Variants in P4HA2 observed in about 807,000 individuals in gnomAD.
P4HA2 encodes the protein prolyl 4-hydroxylase subunit alpha-2.
In P4HA2, 46 loss-of-function variants were observed where a neutral mutation model predicts 76.9. The observed-to-expected ratio is 0.60, with a 90% CI of 0.47 to 0.76. P4HA2 has a LOEUF of 0.76. Ranked by LOEUF, P4HA2 falls within the 30% of genes least tolerant of loss-of-function variation. The pLI is 0.00. For missense variants in P4HA2, 583 were observed against 669.4 expected (o/e 0.87, Z 1.42); for synonymous variants, 243 against 254.0 (o/e 0.96, Z 0.41).
chr5:132,195,502 C>A, intron 12 of P4HA2, 22 bp from the exon 13 acceptor site: 2 of 1,575,672 alleles, frequency 1.3e-6, no homozygotes, highest in Non-Finnish European at 1.7e-6. Context: ...AGACATAGAG[C>A]TTGACCCTCC....
In P4HA2 at chr5:132,217,261, C is replaced by A. The variant is rs113860089; in HGVS notation, c.267G>T (p.Leu89=). The change falls in exon 4 of 15, where the codon CTG becomes CTT. Residue 89 remains leucine, a synonymous_variant. Coordinates refer to ENST00000360568, the MANE Select transcript of P4HA2 (RefSeq NM_001017974.2). The stretch of plus-strand genomic sequence containing the variant: ...GCCAGTCTGTGTTTAGCCGCTTCAC[C>A]AGTTTGTAGGCATTCACAGGGTGAG... ...YLAHPVNAYK[L]VKRLNTDWPA... is the part of the protein sequence containing the mutation. 288 of 1,614,182 alleles carry A rather than the reference C, an allele frequency of 1.8e-4. 1 individual carries two copies. The African/African-American group carries it at 3.2e-3, about 18-fold the overall frequency.
chr5:132,200,916 C>T (rs184649818), intron 10 of P4HA2: 11 of 152,324 alleles, frequency 7.2e-5, no homozygotes, highest in East Asian at 1.9e-4. Context: ...CTGAAGCCAC[C>T]GTACCTACTT....
intron 1 of P4HA2, among the ~76,000 whole-genome samples, chr5:132,225,665 A>C (rs905437554): frequency 6.6e-6 from 1 of 152,208 alleles, no homozygotes; most frequent in Non-Finnish European, 1.5e-5. Context: ...TTCTAGCCCC[A>C]GGCACGCTCC....
At chr5:132,193,379 T>G in intron 14 of P4HA2, 2 of 196,342 alleles carry the variant, frequency 1.0e-5, no homozygotes, top group Non-Finnish European at 2.1e-5. Context: ...TTTGGCTCTA[T>G]TCCCATGGCA....
At chr5:132,217,088 A>G in intron 4 of P4HA2, 109 bp downstream of exon 4, 3 of 1,015,682 alleles carry the variant, frequency 3.0e-6, no homozygotes, top group Non-Finnish European at 4.3e-6. Flanking sequence ...TGTTTCCACA[A>G]TGTACTTGCC....
At chr5:132,223,761 G>T (rs962984575) in intron 1 of P4HA2, among the ~76,000 whole-genome samples, 4 of 152,200 alleles carry the variant, frequency 2.6e-5, no homozygotes, top group Admixed American at 1.3e-4. Context: ...CTCCATTTCA[G>T]ATATAAGATA....
intron 5 of P4HA2, among the ~76,000 whole-genome samples, chr5:132,213,066 G>T (rs948285078): frequency 6.6e-6 from 1 of 152,326 alleles, no homozygotes; most frequent in South Asian, 2.1e-4. Context: ...AAGTCAGTGG[G>T]AGAGGGGCCA....
At chr5:132,203,993 GAA>G in intron 9 of P4HA2, 87 bp downstream of exon 9, 2 of 1,254,500 alleles carry the variant, frequency 1.6e-6, no homozygotes, top group South Asian at 2.4e-5. Context: ...CAGCAGGCAG[GAA>G]AAGGCAAGCC....
chr5:132,204,762 C>A (rs1269529280), intron 8 of P4HA2, among the ~76,000 whole-genome samples: 2 of 152,190 alleles, frequency 1.3e-5, no homozygotes, highest in Non-Finnish European at 2.9e-5. Context: ...ATGATAAAAC[C>A]AGGAAAAGAT....
chr5:132,221,104 G>C (rs545719789), intron 1 of P4HA2, among the ~76,000 whole-genome samples: 1 of 152,346 alleles, frequency 6.6e-6, no homozygotes, highest in East Asian at 1.9e-4. Context: ...GCCCCACAAT[G>C]TGGGAAAGGC....
intron 4 of P4HA2, among the ~76,000 whole-genome samples, chr5:132,215,367 TGTAGG>T (rs1753681857): frequency 6.6e-6 from 1 of 151,740 alleles, no homozygotes; most frequent in South Asian, 2.1e-4. Flanking sequence ...ATGGTGGGAG[TGTAGG>T]GTGTGGAGAA....
At chr5:132,221,884 A>G (rs1754693472) in intron 1 of P4HA2, among the ~76,000 whole-genome samples, 1 of 152,266 alleles carries the variant, frequency 6.6e-6, no homozygotes, top group Non-Finnish European at 1.5e-5. Flanking sequence ...TTCACCCATC[A>G]GGCGACTGGC....
Position 132,191,000 on chromosome 5 carries a change from T to C in P4HA2, c.*2010A>G, listed in dbSNP as rs960295548. ...TTGAATTAAAAACATTTATTTCTCA[T>C]GGTTATGGGAACTGGAAAGTCCGAG... On this transcript the variant is annotated 3_prime_UTR_variant, in exon 15 of 15. Coordinates refer to ENST00000360568, the MANE Select transcript of P4HA2 (RefSeq NM_001017974.2). Among the ~76,000 whole-genome samples the C allele has an allele frequency of 4.6e-5, 7 of 152,220 alleles. No homozygotes were observed. Among genetic ancestry groups the C allele is most frequent in the Admixed American group, 6.5e-5 (1 of 15,288 alleles).
intron 2 of P4HA2, 174 bp from the exon 3 acceptor site, chr5:132,218,022 T>G: frequency 1.9e-6 from 1 of 526,062 alleles, no homozygotes; most frequent in Non-Finnish European, 3.4e-6. Flanking sequence ...CATGGGGCTC[T>G]ATCTCGCAAC....
Position 132,204,094 on chromosome 5 carries a change from C to T in P4HA2, c.1139G>A (p.Arg380Gln), listed in dbSNP as rs764937228. The T allele has an allele frequency of 2.2e-5, 36 of 1,613,654 alleles. No homozygotes were observed. Among genetic ancestry groups the T allele is most frequent in the East Asian group, 2.2e-5 (1 of 44,892 alleles). The change falls in exon 9 of 15, where the codon CGG becomes CAG. Residue 380 changes from arginine to glutamine, a missense_variant. By Grantham distance (43) the Arg-to-Gln change is conservative (BLOSUM62 1). Coordinates refer to ENST00000360568, the MANE Select transcript of P4HA2 (RefSeq NM_001017974.2). ...KTGVLTVASY[R>Q]VSKSSWLEED... ...GCTCTTTGCTTACCTTTTGGAAACC[C>T]GGTAGCTGGCGACAGTGAGGACTCC... is the stretch of plus-strand genomic sequence containing the variant.
intron 4 of P4HA2, among the ~76,000 whole-genome samples, chr5:132,216,282 T>A (rs1250617431): frequency 6.6e-6 from 1 of 151,918 alleles, no homozygotes; most frequent in Admixed American, 6.6e-5. Flanking sequence ...CAGAAAAGTA[T>A]TAGGGCATAA....
rs1749913043 is a variant in P4HA2, at chr5:132,191,484, C to G, written c.*1526G>C. On this transcript the variant is annotated 3_prime_UTR_variant, in exon 15 of 15. Transcript: ENST00000360568. The stretch of plus-strand genomic sequence containing the variant: ...CCGAGATCCCGCCACTGCACTCCAG[C>G]CTGGGCGACAGAGCGAGACTCCGTC... Among the ~76,000 whole-genome samples the G allele has an allele frequency of 6.8e-6, 1 of 146,132 alleles. No individual in the cohort carries two copies. The highest frequency in any genetic ancestry group is 1.5e-5 in the Non-Finnish European group (1 of 67,012).
intron 1 of P4HA2, among the ~76,000 whole-genome samples, chr5:132,218,946 C>A (rs1754284867): frequency 1.3e-5 from 2 of 152,200 alleles, no homozygotes; most frequent in African/African-American, 2.4e-5. Flanking sequence ...GTACAGTCAG[C>A]TCGGGTTCCA....
chr5:132,205,324 T>G (rs1752064002), intron 8 of P4HA2, among the ~76,000 whole-genome samples: 1 of 151,852 alleles, frequency 6.6e-6, no homozygotes, highest in Non-Finnish European at 1.5e-5. Flanking sequence ...GGCCTGGGAA[T>G]GAAAATGGGT....
Sources: gnomAD v4.1 joint callset for allele counts (sites outside exome capture counted in the v4.1 genomes callset) on GRCh38, gnomAD v4.1.1 for gene constraint, MANE v1.5 for transcripts, NCBI Gene and HGNC (gene_info 2026-07-23, HGNC 2026-07-21) for gene names.